Variants in IFT140 observed in about 807,000 individuals in gnomAD.
IFT140 encodes intraflagellar transport 140.
A neutral mutation model predicts 164.6 loss-of-function variants in IFT140; 133 were observed. The ratio of observed to expected loss-of-function variants is 0.81; its 90% CI spans 0.70 to 0.93. The LOEUF is 0.93. IFT140 is among the 40% of genes least tolerant of loss of function. The pLI, the probability that IFT140 is intolerant of heterozygous loss-of-function variation, is 0.00. For missense variants in IFT140, 2,045 were observed against 1,972.3 expected (o/e 1.04, Z -0.70); for synonymous variants, 860 against 817.3 (o/e 1.05, Z -0.89).
chr16:1,539,670 T>C (rs189807580), intron 19 of IFT140, among the ~76,000 whole-genome samples: 338 of 152,368 alleles, frequency 2.2e-3, no homozygotes, highest in Non-Finnish European at 4.0e-3. Context: ...CTCAGTTACG[T>C]GGCAGTGACG....
chr16:1,513,932 C>A (rs1369681515), intron 30 of IFT140, among the ~76,000 whole-genome samples: 1 of 150,774 alleles, frequency 6.6e-6, no homozygotes, highest in East Asian at 2.1e-4. Context: ...CTTGGCCTCC[C>A]AAAGTGCTGG....
intron 26 of IFT140, 45 bp downstream of exon 26, chr16:1,523,473 G>A (rs770948876): frequency 3.2e-6 from 5 of 1,580,820 alleles, no homozygotes; most frequent in Non-Finnish European, 3.4e-6. Flanking sequence ...GACCTGAGCC[G>A]TGGTGCCTGC....
intron 19 of IFT140, chr16:1,527,050 T>C (rs746243223): frequency 5.9e-6 from 3 of 504,626 alleles, no homozygotes; most frequent in Non-Finnish European, 1.1e-5. Flanking sequence ...GGATCTCTTA[T>C]GCAGATCACC....
At chr16:1,550,364 G>A (rs2032533567) in intron 19 of IFT140, among the ~76,000 whole-genome samples, 1 of 152,190 alleles carries the variant, frequency 6.6e-6, no homozygotes, top group Non-Finnish European at 1.5e-5. Flanking sequence ...GATTAGAATG[G>A]TCGACCCATT....
intron 29 of IFT140, among the ~76,000 whole-genome samples, chr16:1,518,777 G>A (rs749244279): frequency 4.6e-5 from 7 of 152,094 alleles, no homozygotes; most frequent in Non-Finnish European, 8.8e-5. Context: ...CACAGGCTGC[G>A]TGTGTGACCT....
In IFT140 at chr16:1,531,003, C is replaced by G. The variant is rs1222041231; in HGVS notation, c.2400-4207G>C. Reference sequence around the variant, plus strand: ...GCGGTCACAGACCCGCCAGAAGCGTCCAGACCCAGGCGCTCTCTGCAAGCT... The same window carrying G: ...GCGGTCACAGACCCGCCAGAAGCGTGCAGACCCAGGCGCTCTCTGCAAGCT... On this transcript the variant is annotated intron_variant, in intron 19 of 30. Coordinates refer to ENST00000426508, the MANE Select transcript of IFT140 (RefSeq NM_014714.4). The surrounding 1 kb of genome is among the most constrained non-coding windows in gnomAD (Gnocchi z 4.7). The G allele has an allele frequency of 6.6e-6, 1 of 152,232 alleles. No homozygotes were observed. The highest frequency in any genetic ancestry group is 2.4e-5 in the African/African-American group (1 of 41,440). The allele number at this position is 152,232 out of a possible 1,614,324, so 9.4% of individuals were successfully genotyped here.
At chr16:1,541,570 C>T (rs1383565544) in intron 19 of IFT140, 1 of 898,192 alleles carries the variant, frequency 1.1e-6, no homozygotes, top group Non-Finnish European at 1.3e-6. Flanking sequence ...TTCCCCTTCC[C>T]ACCTCCACCC....
intron 19 of IFT140, among the ~76,000 whole-genome samples, chr16:1,547,968 A>C (rs1031788920): frequency 1.3e-5 from 2 of 152,196 alleles, no homozygotes; most frequent in African/African-American, 4.8e-5. Flanking sequence ...GGGCCACTGC[A>C]ATCAGCCTGG....
At chr16:1,585,448 A>AT (rs1031899657) in intron 10 of IFT140, among the ~76,000 whole-genome samples, 1 of 152,154 alleles carries the variant, frequency 6.6e-6, no homozygotes, top group African/African-American at 2.4e-5. Context: ...AAAGGTACAG[A>AT]TTTTTTGTGG....
chr16:1,569,384 A>C (rs940510310), intron 14 of IFT140, among the ~76,000 whole-genome samples: 12 of 151,852 alleles, frequency 7.9e-5, no homozygotes, highest in African/African-American at 2.9e-4. Context: ...GACTCACACT[A>C]GTCATTTTTT....
At chr16:1,566,596 G>A (rs1168548894) in intron 15 of IFT140, among the ~76,000 whole-genome samples, 3 of 152,086 alleles carry the variant, frequency 2.0e-5, no homozygotes, top group Admixed American at 6.5e-5. Context: ...CCAGCAGCTG[G>A]GATTGCAGGT....
intron 6 of IFT140, among the ~76,000 whole-genome samples, chr16:1,591,050 G>C (rs998703772): frequency 4.6e-5 from 7 of 152,204 alleles, no homozygotes; most frequent in Non-Finnish European, 1.0e-4. Flanking sequence ...TAACTGGGTA[G>C]ACACCAGTAT....
intron 30 of IFT140, among the ~76,000 whole-genome samples, chr16:1,516,363 G>A (rs1467869324): frequency 6.6e-6 from 1 of 152,084 alleles, no homozygotes; most frequent in Non-Finnish European, 1.5e-5. Flanking sequence ...GGACCTACCT[G>A]CTAACTCTAG....
chr16:1,606,448 A>G (rs762015702), intron 3 of IFT140, among the ~76,000 whole-genome samples: 1 of 152,106 alleles, frequency 6.6e-6, no homozygotes, highest in Non-Finnish European at 1.5e-5. Flanking sequence ...AAAACTGATG[A>G]CGGATGTCGT....
intron 3 of IFT140, among the ~76,000 whole-genome samples, chr16:1,605,742 C>T (rs1335078140): frequency 7.2e-5 from 11 of 151,986 alleles, no homozygotes; most frequent in Non-Finnish European, 1.6e-4. Flanking sequence ...CACTGGGCAC[C>T]GAGAGGGTGA....
chr16:1,565,298 G>T (rs899235520), intron 16 of IFT140, among the ~76,000 whole-genome samples: 2 of 152,168 alleles, frequency 1.3e-5, no homozygotes, highest in African/African-American at 4.8e-5. Flanking sequence ...AGGCATCATT[G>T]TCTGAGGTGG....
In IFT140 at chr16:1,564,267, T is replaced by C; in HGVS notation, c.1902-105A>G. On this transcript the variant is annotated intron_variant, in intron 16 of 30. Transcript: ENST00000426508. The surrounding 1 kb of genome is among the most constrained non-coding windows in gnomAD (Gnocchi z 5.5). ...AGCCTCCAGGTGCTGTCCCAGACCA[T>C]GGTGTCCACGCGCTCAGCTCTGGGA... 1 of 952,002 alleles carries C rather than the reference T, an allele frequency of 1.1e-6. No homozygotes were observed. Among genetic ancestry groups the C allele is most frequent in the Non-Finnish European group, 1.5e-6 (1 of 669,116 alleles). 59.0% of individuals were successfully genotyped at this position (952,002 alleles called of 1,614,324 possible).
chr16:1,581,219 A>G (rs577104886), intron 12 of IFT140, among the ~76,000 whole-genome samples: 1 of 152,366 alleles, frequency 6.6e-6, no homozygotes, highest in African/African-American at 2.4e-5. Flanking sequence ...GGTGGCCACA[A>G]GCCCTGGTCC....
In IFT140 at chr16:1,553,885, C is replaced by A. The variant is rs940942247; in HGVS notation, c.2399+4050G>T. Reference sequence around the variant, plus strand: ...AGTTGGTAGACTCTAGTCACGAAACCCTGATTTTCCTGTTGTAAGAACTAA... The same window carrying A: ...AGTTGGTAGACTCTAGTCACGAAACACTGATTTTCCTGTTGTAAGAACTAA... On this transcript the variant is annotated intron_variant, in intron 19 of 30. Coordinates refer to ENST00000426508, the MANE Select transcript of IFT140 (RefSeq NM_014714.4). The surrounding 1 kb of genome is among the most constrained non-coding windows in gnomAD (Gnocchi z 4.4). 3 of 1,262,272 alleles carry A rather than the reference C, an allele frequency of 2.4e-6. No homozygotes were observed. Among genetic ancestry groups the A allele is most frequent in the African/African-American group, 1.5e-5 (1 of 64,776 alleles). The allele number at this position is 1,262,272 out of a possible 1,614,324, so 78.2% of individuals were successfully genotyped here.
Sources: allele counts gnomAD v4.1 joint callset (sites outside exome capture counted in the v4.1 genomes callset), GRCh38; gene constraint gnomAD v4.1.1; non-coding constraint Gnocchi (gnomAD v3.1); transcripts MANE v1.5; gene names NCBI Gene and HGNC (gene_info 2026-07-23, HGNC 2026-07-21).